The following GNAZ variants were observed in gnomAD, a reference collection of about 807,000 sequenced individuals.
GNAZ encodes G protein subunit alpha z, also known as guanine nucleotide-binding protein G(z) subunit alpha.
GNAZ carries 3 observed loss-of-function variants against 25.4 expected under a neutral mutation model. That is an observed-to-expected ratio of 0.12 (90% CI 0.05 to 0.30). The LOEUF (loss-of-function observed/expected upper bound fraction) is 0.30, where lower values mean the gene tolerates loss of function less well. Among genes scored for constraint, GNAZ ranks in the 10% least tolerant of loss-of-function variants. GNAZ has a pLI of 1.00. For synonymous variants in GNAZ, 211 were observed against 205.7 expected, an observed-to-expected ratio of 1.03 and a Z score of -0.22; for missense variants, 241 against 501.8, an observed-to-expected ratio of 0.48 and a Z score of 4.97.
intron 1 of GNAZ, among the ~76,000 whole-genome samples, chr22:23,088,064 C>T (rs2068864764): frequency 2.0e-5 from 3 of 152,190 alleles, no homozygotes; most frequent in Admixed American, 6.5e-5. Context: ...TCAGCCTACA[C>T]CCAGGAATGA....
chr22:23,073,789 C>T (rs1290039310), intron 1 of GNAZ, among the ~76,000 whole-genome samples: 3 of 152,228 alleles, frequency 2.0e-5, no homozygotes, highest in African/African-American at 4.8e-5. Context: ...ATGCCAGGCA[C>T]TGTGCCAGGT....
At chr22:23,099,406 C>G (rs1163683741) in intron 2 of GNAZ, among the ~76,000 whole-genome samples, 2 of 152,260 alleles carry the variant, frequency 1.3e-5, no homozygotes, top group African/African-American at 4.8e-5. Context: ...GTGTGTCAGG[C>G]ACCCCAGTGC....
At chr22:23,101,035 A>G (rs955756606) in intron 2 of GNAZ, among the ~76,000 whole-genome samples, 4 of 152,222 alleles carry the variant, frequency 2.6e-5, no homozygotes, top group African/African-American at 9.7e-5. Context: ...TGTTTCCAGT[A>G]AGACAGGCTT....
intron 1 of GNAZ, among the ~76,000 whole-genome samples, chr22:23,083,465 C>T (rs550843793): frequency 2.0e-5 from 3 of 152,124 alleles, no homozygotes; most frequent in Non-Finnish European, 2.9e-5. Context: ...GGGAAGCTTC[C>T]GAGCTCTGTA....
chr22:23,075,657 G>T (rs1170066733), intron 1 of GNAZ, among the ~76,000 whole-genome samples: 1 of 152,216 alleles, frequency 6.6e-6, no homozygotes, highest in East Asian at 1.9e-4. Context: ...GCAGGGAGGG[G>T]CCTTACACAT....
intron 2 of GNAZ, among the ~76,000 whole-genome samples, chr22:23,114,859 C>T (rs2069777536): frequency 6.6e-6 from 1 of 152,170 alleles, no homozygotes; most frequent in African/African-American, 2.4e-5. Context: ...CTGCTTGCCT[C>T]CATCCCTCAC....
chr22:23,119,656 T>C (rs896846231), intron 2 of GNAZ, among the ~76,000 whole-genome samples: 2 of 152,202 alleles, frequency 1.3e-5, no homozygotes, highest in Non-Finnish European at 2.9e-5. Flanking sequence ...GTGGAGCCCA[T>C]GTGCAGTGAA....
chr22:23,079,286 C>T (rs1424278144), intron 1 of GNAZ, among the ~76,000 whole-genome samples: 3 of 152,212 alleles, frequency 2.0e-5, no homozygotes, highest in African/African-American at 4.8e-5. Context: ...GCAGGGAGGC[C>T]TCCTAAGGAA....
intron 1 of GNAZ, among the ~76,000 whole-genome samples, chr22:23,073,764 A>T (rs1353015028): frequency 6.6e-6 from 1 of 152,190 alleles, no homozygotes; most frequent in Admixed American, 6.5e-5. Context: ...GCTAACATTT[A>T]CCAGCGCCTG....
At chr22:23,101,625 GAC>G (rs917997024) in intron 2 of GNAZ, among the ~76,000 whole-genome samples, 7 of 152,226 alleles carry the variant, frequency 4.6e-5, no homozygotes, top group Non-Finnish European at 7.3e-5. Flanking sequence ...CCCTTTTCCC[GAC>G]ACACACAGGT....
chr22:23,102,533 T>C (rs1335587778), intron 2 of GNAZ, among the ~76,000 whole-genome samples: 4 of 152,140 alleles, frequency 2.6e-5, no homozygotes, highest in Admixed American at 2.6e-4. Flanking sequence ...CCTGGGTAGG[T>C]CCTTGGTCAG....
chr22:23,108,834 G>T (rs1177827751), intron 2 of GNAZ, among the ~76,000 whole-genome samples: 1 of 152,260 alleles, frequency 6.6e-6, no homozygotes, highest in African/African-American at 2.4e-5. Flanking sequence ...TGCTGGAGAG[G>T]TGGTGTCCCT....
In GNAZ at chr22:23,121,783, A is replaced by G. The variant is rs190436386; in HGVS notation, c.724-1304A>G. ...GTCGCCCAGACTGGAGTGCAGTGGC[A>G]TGATCTCGGCTCACTGCAACCTCCA... is the stretch of plus-strand genomic sequence containing the variant. On this transcript the variant is annotated intron_variant, in intron 2 of 2. Coordinates refer to ENST00000615612, the MANE Select transcript of GNAZ (RefSeq NM_002073.4). 7.0e-3 allele frequency among the ~76,000 whole-genome samples: 1,024 copies of G among 146,400 alleles called. 10 individuals carry two copies. Among genetic ancestry groups the G allele is most frequent in the African/African-American group, 0.025 (973 of 39,018 alleles).
chr22:23,085,857 C>T (rs1379122469), intron 1 of GNAZ, among the ~76,000 whole-genome samples: 1 of 152,232 alleles, frequency 6.6e-6, no homozygotes, highest in Non-Finnish European at 1.5e-5. Flanking sequence ...TAACCCTTCC[C>T]CAGAGGAAGG....
chr22:23,082,966 T>C (rs2068722895), intron 1 of GNAZ, among the ~76,000 whole-genome samples: 1 of 151,966 alleles, frequency 6.6e-6, no homozygotes, highest in Admixed American at 6.6e-5. Context: ...AAGATCATAT[T>C]AAGGTGGGGC....
At chr22:23,114,452 C>A (rs1341627270) in intron 2 of GNAZ, among the ~76,000 whole-genome samples, 1 of 152,192 alleles carries the variant, frequency 6.6e-6, no homozygotes, top group South Asian at 2.1e-4. Context: ...GCCAGCCCCT[C>A]CTGCAATGCC....
At chr22:23,118,939 G>T (rs923331935) in intron 2 of GNAZ, among the ~76,000 whole-genome samples, 55 of 152,342 alleles carry the variant, frequency 3.6e-4, no homozygotes, top group Middle Eastern at 3.4e-3. Context: ...GCCCACAAAG[G>T]CCAGATGGGT....
chr22:23,107,478 G>A (rs1432782292), intron 2 of GNAZ, among the ~76,000 whole-genome samples: 2 of 152,216 alleles, frequency 1.3e-5, no homozygotes, highest in Non-Finnish European at 2.9e-5. Context: ...GAGTGTCTGA[G>A]GACAGGAGTT....
chr22:23,100,764 C>G (rs896428365), intron 2 of GNAZ, among the ~76,000 whole-genome samples: 9 of 152,162 alleles, frequency 5.9e-5, no homozygotes, highest in Non-Finnish European at 1.0e-4. Flanking sequence ...AGCTGGAGCT[C>G]CAGAGCCCTG....
Sources: allele counts gnomAD v4.1 joint callset (sites outside exome capture counted in the v4.1 genomes callset), GRCh38; gene constraint gnomAD v4.1.1; transcripts MANE v1.5; gene names NCBI Gene and HGNC (gene_info 2026-07-23, HGNC 2026-07-21).